Variants in CNBD1 observed in about 807,000 individuals in gnomAD.
CNBD1 encodes cyclic nucleotide-binding domain-containing protein 1.
CNBD1 carries 71 observed loss-of-function variants against 54.4 expected under a neutral mutation model. The observed-to-expected ratio is 1.30, with a 90% CI of 1.08 to 1.59. The LOEUF (loss-of-function observed/expected upper bound fraction) is 1.59. Among genes scored for constraint, CNBD1 ranks in the 40% most tolerant of loss-of-function variants. The pLI is 0.00. For synonymous variants in CNBD1, 182 were observed against 170.7 expected (o/e 1.07, Z -0.51); for missense variants, 659 against 518.0 (o/e 1.27, Z -2.64).
chr8:87,240,906 A>T (rs1334041787), intron 6 of CNBD1, among the ~76,000 whole-genome samples: 1 of 151,970 alleles, frequency 6.6e-6, no homozygotes, highest in Non-Finnish European at 1.5e-5. Flanking sequence ...GTCAAAATTC[A>T]TCTCTCCAGG....
chr8:87,018,872 G>A (rs1000424986), intron 4 of CNBD1, among the ~76,000 whole-genome samples: 1 of 152,054 alleles, frequency 6.6e-6, no homozygotes, highest in Non-Finnish European at 1.5e-5. Flanking sequence ...AATCAAAAAG[G>A]GGGTACTAAA....
intron 8 of CNBD1, among the ~76,000 whole-genome samples, chr8:87,321,654 A>G (rs13252255): frequency 0.38 from 57,634 of 151,820 alleles, 11,209 homozygotes; most frequent in Middle Eastern, 0.46. Context: ...CTTTTTCTCT[A>G]TTGATTATTT....
chr8:87,062,464 G>A (rs571592350), intron 4 of CNBD1, among the ~76,000 whole-genome samples: 1 of 152,250 alleles, frequency 6.6e-6, no homozygotes, highest in East Asian at 1.9e-4. Context: ...ACAGCCAGAT[G>A]CAGTGGCTCA....
intron 9 of CNBD1, among the ~76,000 whole-genome samples, chr8:87,352,439 C>T (rs13439444): frequency 0.011 from 1,613 of 143,252 alleles, 38 homozygotes; most frequent in African/African-American, 0.041. Context: ...AAGATTGTGC[C>T]ACTGCACTCC....
At chr8:86,875,018 A>ATATATATATG (rs1277730526) in intron 1 of CNBD1, among the ~76,000 whole-genome samples, 5 of 139,128 alleles carry the variant, frequency 3.6e-5, no homozygotes, top group Non-Finnish European at 6.2e-5. Context: ...ATATATATAT[A>ATATATATATG]TATGTATTAA....
intron 8 of CNBD1, among the ~76,000 whole-genome samples, chr8:87,349,525 G>T (rs1428671503): frequency 6.6e-6 from 1 of 152,074 alleles, no homozygotes; most frequent in South Asian, 2.1e-4. Flanking sequence ...ACAGGTGCGC[G>T]CCACCAGGCC....
chr8:87,289,646 A>T (rs1808752156), intron 8 of CNBD1, among the ~76,000 whole-genome samples: 1 of 152,198 alleles, frequency 6.6e-6, no homozygotes, highest in Non-Finnish European at 1.5e-5. Flanking sequence ...TAAAAAAATT[A>T]CAGCAACATA....
chr8:87,389,407 A>C (rs1001183114), intron 2 of CNBD1, among the ~76,000 whole-genome samples: 4 of 152,248 alleles, frequency 2.6e-5, no homozygotes, highest in African/African-American at 7.2e-5. Flanking sequence ...GGAAAGTCTC[A>C]GGATATAAAA....
chr8:87,401,593 T>C (rs1253430435), intron 2 of CNBD1, among the ~76,000 whole-genome samples: 1 of 152,078 alleles, frequency 6.6e-6, no homozygotes, highest in African/African-American at 2.4e-5. Context: ...TTACCAATGA[T>C]GCATATTTCA....
At chr8:87,314,740 T>A (rs1312760862) in intron 8 of CNBD1, among the ~76,000 whole-genome samples, 1 of 151,960 alleles carries the variant, frequency 6.6e-6, no homozygotes, top group East Asian at 1.9e-4. Flanking sequence ...TTATAATAGC[T>A]CTTTGTCAAT....
chr8:87,382,143 A>T (rs909450007), intron 10 of CNBD1, among the ~76,000 whole-genome samples: 1 of 151,312 alleles, frequency 6.6e-6, no homozygotes, highest in African/African-American at 2.5e-5. Flanking sequence ...ACATTTGATT[A>T]AAAAATGTCA....
intron 4 of CNBD1, among the ~76,000 whole-genome samples, chr8:87,039,916 A>C (rs1367671879): frequency 6.6e-6 from 1 of 152,138 alleles, no homozygotes; most frequent in Non-Finnish European, 1.5e-5. Flanking sequence ...TGTCTTCTGC[A>C]CTGAGTCAGT....
At chr8:87,002,527 T>G (rs942941520) in intron 4 of CNBD1, among the ~76,000 whole-genome samples, 1 of 152,048 alleles carries the variant, frequency 6.6e-6, no homozygotes, top group Non-Finnish European at 1.5e-5. Context: ...GTCTTCTTGC[T>G]GTTTCTCAAA....
At chr8:87,015,099 A>T (rs1809325434) in intron 4 of CNBD1, among the ~76,000 whole-genome samples, 1 of 152,224 alleles carries the variant, frequency 6.6e-6, no homozygotes, top group Non-Finnish European at 1.5e-5. Context: ...CTAGAAATTG[A>T]TATTTAATAC....
At chr8:87,327,753 C>A (rs1809715304) in intron 8 of CNBD1, among the ~76,000 whole-genome samples, 1 of 152,158 alleles carries the variant, frequency 6.6e-6, no homozygotes, top group Non-Finnish European at 1.5e-5. Flanking sequence ...ATGCAGAAAT[C>A]ACCCGTCTTC....
At position 87,370,607 on chromosome 8, in the gene CNBD1, A is replaced by T. The variant is rs1239844829; in HGVS notation, c.1304-12013A>T. On this transcript the variant is annotated intron_variant, in intron 10 of 10. Transcript: ENST00000518476. ...TTTTCTTGTAAATTTGTTTAAGTTC[A>T]TTGTAGATTCTGGATATTAGCCCTT... 3.3e-5 allele frequency among the ~76,000 whole-genome samples: 5 copies of T among 151,846 alleles called. No homozygotes were observed. In the South Asian group the frequency reaches 1.0e-3, roughly 32 times the overall value.
chr8:87,306,248 A>G (rs1809141976), intron 8 of CNBD1, among the ~76,000 whole-genome samples: 1 of 152,148 alleles, frequency 6.6e-6, no homozygotes, highest in Non-Finnish European at 1.5e-5. Flanking sequence ...AAAAATCAAT[A>G]AAACAGTAGA....
intron 6 of CNBD1, among the ~76,000 whole-genome samples, chr8:87,265,433 G>A (rs908704157): frequency 1.8e-4 from 27 of 152,206 alleles, no homozygotes; most frequent in Non-Finnish European, 2.9e-4. Context: ...GTCAGATAGC[G>A]TGATGCCTCC....
At chr8:87,108,711 C>A (rs1026834173) in intron 4 of CNBD1, among the ~76,000 whole-genome samples, 4 of 152,252 alleles carry the variant, frequency 2.6e-5, no homozygotes, top group Admixed American at 2.6e-4. Context: ...TCTTACTTTA[C>A]ATATCTGGAA....
Sources: gnomAD v4.1 joint callset for allele counts (sites outside exome capture counted in the v4.1 genomes callset) on GRCh38, gnomAD v4.1.1 for gene constraint, MANE v1.5 for transcripts, NCBI Gene and HGNC (gene_info 2026-07-23, HGNC 2026-07-21) for gene names.